TANC1: variants seen among roughly 807,000 people sequenced by gnomAD.
TANC1 encodes tetratricopeptide repeat, ankyrin repeat and coiled-coil containing 1, also known as protein TANC1.
TANC1 carries 77 observed loss-of-function variants against 149.7 expected under a neutral mutation model. The ratio of observed to expected loss-of-function variants is 0.51; its 90% confidence interval spans 0.43 to 0.62. The LOEUF (loss-of-function observed/expected upper bound fraction) is 0.62. TANC1 is among the 20% of genes least tolerant of loss of function. The pLI is 0.00. For missense variants in TANC1, 1,985 were observed against 2,321.8 expected, an observed-to-expected ratio of 0.85 and a Z score of 2.98; for synonymous variants, 854 against 925.0, an observed-to-expected ratio of 0.92 and a Z score of 1.39.
chr2:159,009,331 G>A (rs2037531448), intron 2 of TANC1, among the ~76,000 whole-genome samples: 1 of 152,132 alleles, frequency 6.6e-6, no homozygotes, highest in African/African-American at 2.4e-5. Context: ...TTGCAGCCCT[G>A]TTCGCAGTAG....
intron 7 of TANC1, among the ~76,000 whole-genome samples, chr2:159,157,005 A>G (rs560356801): frequency 1.3e-5 from 2 of 152,352 alleles, no homozygotes; most frequent in East Asian, 3.9e-4. Flanking sequence ...GCCTTGCGCA[A>G]CACAGGTGAG....
At chr2:159,058,095 C>G (rs1574386071) in intron 2 of TANC1, among the ~76,000 whole-genome samples, 1 of 152,152 alleles carries the variant, frequency 6.6e-6, no homozygotes, top group East Asian at 1.9e-4. Flanking sequence ...TAGCCATTGG[C>G]CTGGGAGACA....
chr2:159,022,762 G>A (rs1319837682), intron 2 of TANC1, among the ~76,000 whole-genome samples: 3 of 152,134 alleles, frequency 2.0e-5, no homozygotes. Context: ...AAAAATAGAA[G>A]TGGAGGTGGC....
At chr2:159,207,569 G>A (rs996233923) in intron 19 of TANC1, among the ~76,000 whole-genome samples, 7 of 151,720 alleles carry the variant, frequency 4.6e-5, no homozygotes, top group South Asian at 2.1e-4. Flanking sequence ...GCGTGGTGGC[G>A]GGTACCTGTA....
At chr2:159,042,108 C>T (rs2040691523) in intron 2 of TANC1, among the ~76,000 whole-genome samples, 1 of 152,150 alleles carries the variant, frequency 6.6e-6, no homozygotes, top group Non-Finnish European at 1.5e-5. Context: ...AGAGAAACCT[C>T]CTATTCTCCG....
intron 3 of TANC1, among the ~76,000 whole-genome samples, chr2:159,076,462 T>C (rs1372609955): frequency 1.3e-5 from 2 of 152,186 alleles, no homozygotes; most frequent in Admixed American, 6.5e-5. Context: ...TAACATTCTG[T>C]CTTTGTGCAC....
rs1008432431 is a variant in TANC1 at position 159,128,002 on chromosome 2, G to A, written c.260-8192G>A. On this transcript the variant is annotated intron_variant, in intron 4 of 26. Transcript: ENST00000263635. ...GTCTGCCCTTTCCCAGTGGATCTTC[G>A]CAAACAAGGTATTTGAAATAAATAA... 5.9e-5 allele frequency among the ~76,000 whole-genome samples: 9 copies of A among 152,324 alleles called. No individual in the cohort carries two copies. In the East Asian group the frequency reaches 9.6e-4, roughly 16 times the overall value.
intron 19 of TANC1, among the ~76,000 whole-genome samples, chr2:159,215,953 G>A (rs149539077): frequency 5.9e-5 from 9 of 152,272 alleles, no homozygotes; most frequent in Admixed American, 4.6e-4. Context: ...CCCGGGGTGC[G>A]GTGAGCATTT....
chr2:159,207,961 A>C (rs1024617070), intron 19 of TANC1, among the ~76,000 whole-genome samples: 1 of 152,162 alleles, frequency 6.6e-6, no homozygotes, highest in Non-Finnish European at 1.5e-5. Context: ...TGTTTTAATC[A>C]AGAGCATGAC....
chr2:159,075,158 GTCAA>G (rs983631910), intron 3 of TANC1, among the ~76,000 whole-genome samples: 20 of 152,174 alleles, frequency 1.3e-4, no homozygotes, highest in African/African-American at 4.6e-4. Context: ...AAGAAAAAAA[GTCAA>G]TCAATTAGAA....
intron 3 of TANC1, among the ~76,000 whole-genome samples, chr2:159,070,481 A>G (rs1001967740): frequency 2.6e-5 from 4 of 152,234 alleles, no homozygotes; most frequent in Non-Finnish European, 5.9e-5. Flanking sequence ...TGTGGGTTTG[A>G]ACAAACGTGT....
chr2:158,987,501 C>G (rs1216009484), intron 1 of TANC1, among the ~76,000 whole-genome samples: 2 of 152,242 alleles, frequency 1.3e-5, no homozygotes, highest in African/African-American at 4.8e-5. Context: ...GCACTCCAGC[C>G]TGTACAACAG....
chr2:159,058,844 G>A (rs984715038), intron 2 of TANC1, among the ~76,000 whole-genome samples: 1 of 151,930 alleles, frequency 6.6e-6, no homozygotes, highest in Non-Finnish European at 1.5e-5. Flanking sequence ...TGTTTGTTTT[G>A]GTAGAAACTC....
Position 159,101,143 on chromosome 2 carries a change from A to G in TANC1, c.259+3309A>G, listed in dbSNP as rs534007955. Among the ~76,000 whole-genome samples, 22 of 152,230 alleles carry G rather than the reference A, an allele frequency of 1.4e-4. 1 individual carries two copies. Among genetic ancestry groups the G allele is most frequent in the South Asian group, 1.0e-3 (5 of 4,824 alleles). ...TGTAAGATGCCCCCCACCCCTGCCAATTCCTCTCTTGTTCAAGGTTAAAAA... is the reference window on the plus strand; with the variant it reads ...TGTAAGATGCCCCCCACCCCTGCCAGTTCCTCTCTTGTTCAAGGTTAAAAA... On this transcript the variant is annotated intron_variant, in intron 4 of 26. Coordinates refer to ENST00000263635, the MANE Select transcript of TANC1 (RefSeq NM_033394.3).
At chr2:159,165,802 G>A (rs1007791841) in intron 8 of TANC1, among the ~76,000 whole-genome samples, 1 of 152,244 alleles carries the variant, frequency 6.6e-6, no homozygotes, top group Non-Finnish European at 1.5e-5. Flanking sequence ...TATGAGGATT[G>A]GCAGGTAAAG....
At chr2:159,097,509 TA>T (rs2046259203) in intron 3 of TANC1, 127 bp from the exon 4 acceptor site, 2 of 747,486 alleles carry the variant, frequency 2.7e-6, no homozygotes, top group Non-Finnish European at 4.3e-6. Flanking sequence ...AAAAGTCATT[TA>T]AAAAAATTCA....
At chr2:159,072,262 G>A (rs1201546534) in intron 3 of TANC1, among the ~76,000 whole-genome samples, 4 of 152,206 alleles carry the variant, frequency 2.6e-5, no homozygotes, top group Non-Finnish European at 4.4e-5. Flanking sequence ...GATTACAGGC[G>A]TGAGCCACTG....
chr2:159,028,181 T>G (rs1433593406), intron 2 of TANC1, among the ~76,000 whole-genome samples: 3 of 152,128 alleles, frequency 2.0e-5, no homozygotes, highest in African/African-American at 4.8e-5. Context: ...AGTGCAATGG[T>G]GCAATCTCAC....
chr2:159,150,400 T>C lies in TANC1; in HGVS notation c.526T>C (p.Cys176Arg), dbSNP rs2052650610. Residue 176 changes from cysteine to arginine, a missense_variant, in exon 7 of 27, where the codon TGC becomes CGC. Cys to Arg is a radical substitution (Grantham distance 180). This residue lies in a region of TANC1 where 557 missense variants were observed against 612.9 expected (regional missense o/e 0.91). Coordinates refer to ENST00000263635, the MANE Select transcript of TANC1 (RefSeq NM_033394.3). ...AGCTCTGAGTCAAGGCATCAGTCCT[T>C]GCTCCACACTAACAAGCAGCACCGC... The part of the protein sequence containing the change: ...CTALSQGISP[C>R]STLTSSTASP... 1.2e-6 allele frequency: 2 copies of C among 1,614,074 alleles called. No individual in the cohort carries two copies. The highest frequency in any genetic ancestry group is 3.3e-5 in the Admixed American group (2 of 60,006).
Sources: allele counts gnomAD v4.1 joint callset (sites outside exome capture counted in the v4.1 genomes callset), GRCh38; gene constraint gnomAD v4.1.1; regional missense constraint gnomAD v4.1.1; transcripts MANE v1.5; gene names NCBI Gene and HGNC (gene_info 2026-07-23, HGNC 2026-07-21).